The following COMMD1 variants were observed in gnomAD, a reference collection of about 807,000 sequenced individuals.
COMMD1 encodes the protein copper metabolism domain containing 1, also known as COMM domain-containing protein 1.
A neutral mutation model predicts 17.2 loss-of-function variants in COMMD1; 10 were observed. The observed-to-expected ratio is 0.58, with a 90% confidence interval of 0.36 to 0.99. COMMD1 has a LOEUF of 0.99. Ranked by LOEUF, COMMD1 falls within the 50% of genes least tolerant of loss-of-function variation. COMMD1 has a pLI of 0.01. For synonymous variants in COMMD1, 97 were observed against 91.6 expected (o/e 1.06, Z -0.34); for missense variants, 270 against 231.8 (o/e 1.17, Z -1.07).
chr2:62,040,312 A>G (rs1311780821), intron 2 of COMMD1, among the ~76,000 whole-genome samples: 1 of 152,194 alleles, frequency 6.6e-6, no homozygotes, highest in Non-Finnish European at 1.5e-5. Flanking sequence ...ATGTATTTTA[A>G]GGTAAATAAA....
At chr2:62,021,352 TG>T (rs1472453561) in intron 2 of COMMD1, among the ~76,000 whole-genome samples, 3 of 152,142 alleles carry the variant, frequency 2.0e-5, no homozygotes, top group African/African-American at 4.8e-5. Context: ...GGTGTAGACT[TG>T]GCAAAATGAG....
In COMMD1 at chr2:61,933,622, T is replaced by C. The variant is rs140223143; in HGVS notation, c.180+27764T>C. 2.9e-3 allele frequency among the ~76,000 whole-genome samples: 447 copies of C among 152,168 alleles called. 2 individuals are homozygous for C. Among genetic ancestry groups the C allele is most frequent in the African/African-American group, 9.2e-3 (384 of 41,516 alleles). On this transcript the variant is annotated intron_variant, in intron 1 of 2. Coordinates refer to ENST00000311832, the MANE Select transcript of COMMD1 (RefSeq NM_152516.4). ...TGATACCCTCTGCCATGATATGACA[T>C]AGTAGTAAGAAGGCTCTCACCAGGT...
At chr2:61,988,077 C>T (rs924480736) in intron 1 of COMMD1, among the ~76,000 whole-genome samples, 3 of 152,128 alleles carry the variant, frequency 2.0e-5, no homozygotes, top group African/African-American at 7.2e-5. Context: ...CCTTTCTGGG[C>T]CAGGATAGGT....
intron 1 of COMMD1, among the ~76,000 whole-genome samples, chr2:61,939,721 C>G (rs949492396): frequency 1.9e-4 from 29 of 152,138 alleles, no homozygotes; most frequent in African/African-American, 6.5e-4. Context: ...CCCAAATGCT[C>G]TAAACTATAA....
At chr2:62,022,816 G>C (rs1669646490) in intron 2 of COMMD1, among the ~76,000 whole-genome samples, 1 of 152,174 alleles carries the variant, frequency 6.6e-6, no homozygotes, top group Admixed American at 6.5e-5. Flanking sequence ...GAGGTGATGA[G>C]TGAGGCTTAA....
At chr2:61,891,299 A>C (rs188627871) in intron 1 of COMMD1, among the ~76,000 whole-genome samples, 115 of 152,340 alleles carry the variant, frequency 7.5e-4, no homozygotes, top group African/African-American at 2.2e-3. Flanking sequence ...GAAATGTTTC[A>C]AGTTACAAAC....
intron 2 of COMMD1, among the ~76,000 whole-genome samples, chr2:62,121,036 G>A (rs1573209224): frequency 6.6e-6 from 1 of 151,566 alleles, no homozygotes; most frequent in Non-Finnish European, 1.5e-5. Flanking sequence ...GAGCCACCAC[G>A]CCCAGCAAAA....
At chr2:61,888,550 G>T (rs761086432), upstream of COMMD1, 5 of 1,594,228 alleles carry the variant, frequency 3.1e-6, no homozygotes, top group African/African-American at 4.0e-5. Context: ...AAGGACGGAT[G>T]GACCCGGATT....
At chr2:61,979,231 C>A (rs1427896915) in intron 1 of COMMD1, among the ~76,000 whole-genome samples, 1 of 152,098 alleles carries the variant, frequency 6.6e-6, no homozygotes, top group African/African-American at 2.4e-5. Flanking sequence ...GTAATCCCAG[C>A]ACTTTGGGAG....
intron 1 of COMMD1, among the ~76,000 whole-genome samples, chr2:61,893,843 A>G (rs1468321749): frequency 1.3e-5 from 2 of 151,860 alleles, no homozygotes; most frequent in Admixed American, 6.6e-5. Flanking sequence ...AAAATTGCAA[A>G]TTTGTGGGCA....
rs571858976 is a variant in COMMD1, at chr2:61,947,017, G to A, written c.180+41159G>A. Among the ~76,000 whole-genome samples, 9 of 152,238 alleles carry A rather than the reference G, an allele frequency of 5.9e-5. No individual in the cohort carries two copies. In the South Asian group the frequency reaches 6.2e-4, roughly 11 times the overall value. ...AGGGAAATCTAGGAAGTAGACAGTC[G>A]TGAATTGTCTGTCACATACCAGCAT... On this transcript the variant is annotated intron_variant, in intron 1 of 2. Transcript: ENST00000311832.
chr2:61,973,753 T>C (rs547877223), intron 1 of COMMD1, among the ~76,000 whole-genome samples: 1 of 152,376 alleles, frequency 6.6e-6, no homozygotes, highest in East Asian at 1.9e-4. Context: ...TATTTTTTTG[T>C]GTAAGAGGTT....
chr2:61,904,427 T>G (rs1377873446), upstream of COMMD1, among the ~76,000 whole-genome samples: 1 of 152,192 alleles, frequency 6.6e-6, no homozygotes, highest in African/African-American at 2.4e-5. Context: ...TGTTCACATT[T>G]CAGAACATCA....
chr2:61,897,925 A>G (rs769843882), intron 1 of COMMD1, among the ~76,000 whole-genome samples: 9 of 152,186 alleles, frequency 5.9e-5, no homozygotes, highest in Admixed American at 4.6e-4. Context: ...GGGACGAGTT[A>G]TTTCATCTGC....
intron 1 of COMMD1, among the ~76,000 whole-genome samples, chr2:61,954,323 A>G (rs923712867): frequency 4.6e-5 from 7 of 152,138 alleles, no homozygotes; most frequent in African/African-American, 1.7e-4. Context: ...GAAAAGAAAG[A>G]AGTTTGGTAG....
At chr2:62,032,643 T>G (rs1016734595) in intron 2 of COMMD1, among the ~76,000 whole-genome samples, 1 of 152,210 alleles carries the variant, frequency 6.6e-6, no homozygotes, top group African/African-American at 2.4e-5. Context: ...AATTAATAAT[T>G]GTTTACTTTG....
intron 2 of COMMD1, among the ~76,000 whole-genome samples, chr2:62,112,288 G>A (rs1390738324): frequency 3.3e-5 from 5 of 152,218 alleles, no homozygotes; most frequent in African/African-American, 4.8e-5. Context: ...TCTTGGAAGA[G>A]CACAAAGCTC....
chr2:61,904,072 G>A (rs1432078870), upstream of COMMD1, among the ~76,000 whole-genome samples: 2 of 151,886 alleles, frequency 1.3e-5, no homozygotes, highest in African/African-American at 4.8e-5. Flanking sequence ...GTGCAGTGGC[G>A]TGATCTCGGC....
chr2:62,016,873 C>G (rs552219770), intron 2 of COMMD1, among the ~76,000 whole-genome samples: 9 of 151,938 alleles, frequency 5.9e-5, no homozygotes, highest in Non-Finnish European at 1.3e-4. Flanking sequence ...TTGATCCACT[C>G]GAGTTAATTT....
Sources: gnomAD v4.1 joint callset for allele counts (sites outside exome capture counted in the v4.1 genomes callset) on GRCh38, gnomAD v4.1.1 for gene constraint, MANE v1.5 for transcripts, NCBI Gene and HGNC (gene_info 2026-07-23, HGNC 2026-07-21) for gene names.